Variants in NAMPT observed in about 807,000 individuals in gnomAD.
NAMPT encodes the protein nicotinamide phosphoribosyltransferase, also known as NAmPRTase.
In NAMPT, 7 loss-of-function variants were observed where a neutral mutation model predicts 58.7. The observed-to-expected ratio is 0.12, with a 90% CI of 0.07 to 0.22. NAMPT has a LOEUF of 0.22. Ranked by LOEUF, NAMPT falls within the 10% of genes least tolerant of loss-of-function variation. The pLI is 1.00. For synonymous variants in NAMPT, 145 were observed against 198.1 expected (o/e 0.73, Z 2.25); for missense variants, 271 against 567.9 (o/e 0.48, Z 5.31).
chr7:106,265,216 G>A lies in NAMPT; in HGVS notation c.744-1599C>T, dbSNP rs373288850. On this transcript the variant is annotated intron_variant, in intron 6 of 10. Transcript: ENST00000222553. ...AAGATCAATGAATACCAATACTGGAGAACTTTACAACGTATGAATTAACTC... is the reference window on the plus strand; with the variant it reads ...AAGATCAATGAATACCAATACTGGAAAACTTTACAACGTATGAATTAACTC... Among the ~76,000 whole-genome samples the A allele has an allele frequency of 3.3e-5, 5 of 152,174 alleles. No homozygotes were observed. The East Asian group carries it at 7.7e-4, about 24-fold the overall frequency.
In NAMPT at chr7:106,263,539, T is replaced by C. The variant is rs1210138777; in HGVS notation, c.822A>G (p.Val274=). 6.2e-7 allele frequency: 1 copy of C among 1,613,156 alleles called. No individual in the cohort carries two copies. The highest frequency in any genetic ancestry group is 1.7e-5 in the Admixed American group (1 of 59,980). Residue 274 remains valine (V), a synonymous_variant, in exon 7 of 11, where the codon GTA becomes GTG. Transcript: ENST00000222553. The part of the protein sequence containing the change: ...HIVTQFSSVP[V]SVVSDSYDIY... ...TGTCATAGCTATCGCTGACCACAGATACAGGCACTGATGAAAACTGTGTTA... is the reference window on the plus strand; with the variant it reads ...TGTCATAGCTATCGCTGACCACAGACACAGGCACTGATGAAAACTGTGTTA...
intron 8 of NAMPT, among the ~76,000 whole-genome samples, chr7:106,261,046 G>A (rs1174968201): frequency 6.6e-6 from 1 of 152,074 alleles, no homozygotes; most frequent in African/African-American, 2.4e-5. Context: ...CTCAACACAG[G>A]GTGGCCACAA....
rs1792079069 is a variant in NAMPT, at chr7:106,249,946, T to C, written c.*1137A>G. On this transcript the variant is annotated 3_prime_UTR_variant, in exon 11 of 11. Transcript: ENST00000222553. Reference sequence around the variant, plus strand: ...TAAGATTCTTCTATTGAAACACATGTCATGCTTTTCATTGGAGATAATTTA... The same window carrying C: ...TAAGATTCTTCTATTGAAACACATGCCATGCTTTTCATTGGAGATAATTTA... 2 of 152,094 alleles carry C rather than the reference T, an allele frequency of 1.3e-5. No individual in the cohort carries two copies. The highest frequency in any genetic ancestry group is 2.9e-5 in the Non-Finnish European group (2 of 67,962). The allele number at this position is 152,094 out of a possible 1,614,324, so 9.4% of individuals were successfully genotyped here.
At chr7:106,277,677 T>C (rs1792676946) in intron 1 of NAMPT, among the ~76,000 whole-genome samples, 1 of 152,188 alleles carries the variant, frequency 6.6e-6, no homozygotes, top group Admixed American at 6.5e-5. Flanking sequence ...AAAACCTGGA[T>C]GACAGCAACG....
At chr7:106,277,309 C>A (rs1162214179) in intron 1 of NAMPT, 130 bp from the exon 2 acceptor site, 3 of 712,614 alleles carry the variant, frequency 4.2e-6, no homozygotes, top group Non-Finnish European at 6.9e-6. Flanking sequence ...AGTTTCTTTT[C>A]CTGGCTATAC....
chr7:106,276,723 TCC>T, intron 2 of NAMPT: 6 of 289,148 alleles, frequency 2.1e-5, no homozygotes, highest in South Asian at 1.4e-4. Context: ...ATGCCTGTAA[TCC>T]CATCTACTCG....
chr7:106,280,610 GC>G (rs530319757), intron 1 of NAMPT, among the ~76,000 whole-genome samples: 2 of 152,082 alleles, frequency 1.3e-5, no homozygotes, highest in African/African-American at 2.4e-5. Flanking sequence ...TGGCCCTCCT[GC>G]TGTTAAAAGA....
chr7:106,275,166 C>T, intron 2 of NAMPT, 117 bp from the exon 3 acceptor site: 1 of 588,788 alleles, frequency 1.7e-6, no homozygotes, highest in Non-Finnish European at 3.0e-6. Flanking sequence ...AAAAATATAA[C>T]TAAGAGGTTA....
chr7:106,257,753 T>C (rs1180713596), intron 8 of NAMPT, among the ~76,000 whole-genome samples: 1 of 152,242 alleles, frequency 6.6e-6, no homozygotes, highest in East Asian at 1.9e-4. Flanking sequence ...AACACCCAAC[T>C]TGAACTCCGT....
intron 4 of NAMPT, chr7:106,270,426 C>G: frequency 4.5e-6 from 1 of 224,400 alleles, no homozygotes; most frequent in South Asian, 4.7e-5. Flanking sequence ...AAAAGATTAA[C>G]CTTGAACTTG....
At chr7:106,269,082 C>T (rs1207945920) in intron 5 of NAMPT, 72 bp downstream of exon 5, 2 of 1,412,434 alleles carry the variant, frequency 1.4e-6, no homozygotes, top group Non-Finnish European at 1.9e-6. Context: ...CAATAACGTC[C>T]CCAAAAGTTT....
intron 1 of NAMPT, among the ~76,000 whole-genome samples, chr7:106,282,540 A>C (rs890886579): frequency 6.6e-6 from 1 of 152,232 alleles, no homozygotes; most frequent in African/African-American, 2.4e-5. Context: ...GAGGAACCAC[A>C]GTCGTCAGTG....
chr7:106,284,991 C>A, upstream of NAMPT: 1 of 1,442,000 alleles, frequency 6.9e-7, no homozygotes, highest in Non-Finnish European at 9.3e-7. Context: ...ACTGCTCGGT[C>A]GGCGGAGGAG....
chr7:106,280,257 AGAT>A (rs1416309795), intron 1 of NAMPT, among the ~76,000 whole-genome samples: 3 of 152,182 alleles, frequency 2.0e-5, no homozygotes, highest in Admixed American at 1.3e-4. Context: ...TGGATGTGGA[AGAT>A]GATAATGAGG....
At chr7:106,259,450 C>T (rs571724051) in intron 8 of NAMPT, among the ~76,000 whole-genome samples, 23 of 152,024 alleles carry the variant, frequency 1.5e-4, no homozygotes, top group South Asian at 4.2e-4. Context: ...TTTTTTGAGA[C>T]GGAGTTTCAC....
rs954074487 is a variant in NAMPT at position 106,265,106 on chromosome 7, C to A, written c.744-1489G>T. ...ATTCTCTACTTCATGCATCTGTAGG[C>A]TAAATGGAAAATTAAGATATGACTG... is the stretch of plus-strand genomic sequence containing the variant. On this transcript the variant is annotated intron_variant, in intron 6 of 10. Transcript: ENST00000222553. Among the ~76,000 whole-genome samples, 7 of 152,152 alleles carry A rather than the reference C, an allele frequency of 4.6e-5. No homozygotes were observed. In the East Asian group the frequency reaches 1.4e-3, roughly 29 times the overall value.
intron 8 of NAMPT, among the ~76,000 whole-genome samples, chr7:106,257,929 T>G (rs1231155173): frequency 6.6e-6 from 1 of 152,156 alleles, no homozygotes; most frequent in African/African-American, 2.4e-5. Flanking sequence ...ACGTAAGTGC[T>G]AAAGTGCCTG....
chr7:106,284,988 G>A, upstream of NAMPT: 2 of 1,478,190 alleles, frequency 1.4e-6, no homozygotes, highest in South Asian at 1.3e-5. Context: ...GTCACTGCTC[G>A]GTCGGCGGAG....
At position 106,249,501 on chromosome 7, in the gene NAMPT, A is replaced by C. The variant is rs1266132066; in HGVS notation, c.*1582T>G. On this transcript the variant is annotated 3_prime_UTR_variant, in exon 11 of 11. Transcript: ENST00000222553. Reference sequence around the variant, plus strand: ...GAGAAAAAAGAAGACAAAAGAGGAAAATTCCGTATCAATTATTTAGCCTCC... The same window carrying C: ...GAGAAAAAAGAAGACAAAAGAGGAACATTCCGTATCAATTATTTAGCCTCC... 4 of 152,368 alleles carry C rather than the reference A, an allele frequency of 2.6e-5. No individual in the cohort carries two copies. The highest frequency in any genetic ancestry group is 4.8e-5 in the African/African-American group (2 of 41,428). The allele number at this position is 152,368 out of a possible 1,614,324, so 9.4% of individuals were successfully genotyped here.
Sources: gnomAD v4.1 joint callset for allele counts (sites outside exome capture counted in the v4.1 genomes callset) on GRCh38, gnomAD v4.1.1 for gene constraint, MANE v1.5 for transcripts, NCBI Gene and HGNC (gene_info 2026-07-23, HGNC 2026-07-21) for gene names.